Variants in AKAP10 observed in about 807,000 individuals in gnomAD.
AKAP10 encodes the protein A-kinase anchor protein 10, mitochondrial.
A neutral mutation model predicts 80.8 loss-of-function variants in AKAP10; 24 were observed. The ratio of observed to expected loss-of-function variants is 0.30; its 90% confidence interval spans 0.22 to 0.42. The LOEUF (loss-of-function observed/expected upper bound fraction) is 0.42. Ranked by LOEUF, AKAP10 falls within the 10% of genes least tolerant of loss-of-function variation. The pLI, the probability that AKAP10 is intolerant of heterozygous loss-of-function variation, is 1.00. For synonymous variants in AKAP10, 291 were observed against 277.7 expected (o/e 1.05, Z -0.48); for missense variants, 661 against 794.9 (o/e 0.83, Z 2.03).
chr17:19,944,421 G>A (rs2043081611), intron 5 of AKAP10, among the ~76,000 whole-genome samples: 1 of 152,088 alleles, frequency 6.6e-6, no homozygotes, highest in African/African-American at 2.4e-5. Context: ...GGAGGCCAAG[G>A]TGAGTAGATC....
intron 5 of AKAP10, among the ~76,000 whole-genome samples, chr17:19,945,332 C>A (rs1299505023): frequency 6.6e-6 from 1 of 151,940 alleles, no homozygotes; most frequent in East Asian, 1.9e-4. Context: ...ACAGACTCCC[C>A]TCAAAAAAAA....
intron 9 of AKAP10, chr17:19,935,941 A>AT (rs141701781): frequency 1.8e-5 from 3 of 167,354 alleles, no homozygotes; most frequent in South Asian, 1.9e-4. Flanking sequence ...CTCCATTATA[A>AT]TTTTTTTTGT....
chr17:19,946,380 T>C (rs1311568375), intron 5 of AKAP10, among the ~76,000 whole-genome samples: 5 of 136,894 alleles, frequency 3.7e-5, no homozygotes, highest in African/African-American at 1.4e-4. Flanking sequence ...AGTTAAGGTA[T>C]GTGAGGGTCT....
At chr17:19,957,508 C>T (rs898394476) in intron 4 of AKAP10, among the ~76,000 whole-genome samples, 1 of 150,534 alleles carries the variant, frequency 6.6e-6, no homozygotes, top group Admixed American at 6.7e-5. Flanking sequence ...GCACTCCAGC[C>T]TGGGCGACAG....
At chr17:19,918,036 A>G (rs1000147763) in intron 12 of AKAP10, among the ~76,000 whole-genome samples, 8 of 151,176 alleles carry the variant, frequency 5.3e-5, no homozygotes, top group Admixed American at 5.3e-4. Context: ...CCTGGCCAAC[A>G]TGGTGAAACC....
intron 5 of AKAP10, among the ~76,000 whole-genome samples, chr17:19,946,253 A>AT (rs1445226025): frequency 9.6e-5 from 2 of 20,808 alleles, no homozygotes; most frequent in South Asian, 1.4e-3. Context: ...ATATATATAT[A>AT]TATATATATA....
At chr17:19,950,253 AAT>A in intron 4 of AKAP10, among the ~76,000 whole-genome samples, 1 of 152,206 alleles carries the variant, frequency 6.6e-6, no homozygotes, top group Admixed American at 6.5e-5. Context: ...AAGATAAATA[AAT>A]TTAAGGAAAA....
intron 4 of AKAP10, 126 bp downstream of exon 4, chr17:19,957,888 A>G: frequency 9.6e-7 from 1 of 1,042,202 alleles, no homozygotes; most frequent in Non-Finnish European, 1.4e-6. Flanking sequence ...ATTCTCCCAA[A>G]TTTACAAGTA....
In AKAP10 at chr17:19,906,200, C is replaced by A; in HGVS notation, c.*27G>T. 2.5e-6 allele frequency: 4 copies of A among 1,604,254 alleles called. No individual in the cohort carries two copies. The South Asian group carries it at 4.4e-5, about 18-fold the overall frequency. ...AAAAAGTTCTCTTATTTTTCACAAGCAGATTTCCTTTATCTCAAGTTTTGA... is the reference window on the plus strand; with the variant it reads ...AAAAAGTTCTCTTATTTTTCACAAGAAGATTTCCTTTATCTCAAGTTTTGA... On this transcript the variant is annotated 3_prime_UTR_variant, in exon 15 of 15. Coordinates refer to ENST00000225737, the MANE Select transcript of AKAP10 (RefSeq NM_007202.4).
At chr17:19,977,035 T>G (rs1246030454) in intron 1 of AKAP10, among the ~76,000 whole-genome samples, 2 of 148,592 alleles carry the variant, frequency 1.3e-5, no homozygotes, top group African/African-American at 2.5e-5. Flanking sequence ...GTTCCAGTAG[T>G]TAGCAAACTT....
chr17:19,973,582 T>C (rs2043526599), intron 1 of AKAP10, among the ~76,000 whole-genome samples: 1 of 152,212 alleles, frequency 6.6e-6, no homozygotes, highest in South Asian at 2.1e-4. Flanking sequence ...TTGTTTTGAA[T>C]ATATACCATA....
intron 9 of AKAP10, among the ~76,000 whole-genome samples, chr17:19,934,993 T>C (rs901230886): frequency 2.0e-5 from 3 of 152,100 alleles, no homozygotes; most frequent in Non-Finnish European, 2.9e-5. Context: ...GCCTGGACAA[T>C]GGAGTGAAAC....
intron 12 of AKAP10, 111 bp downstream of exon 12, chr17:19,919,925 T>C (rs1209998663): frequency 3.2e-5 from 27 of 842,718 alleles, no homozygotes; most frequent in Non-Finnish European, 4.6e-5. Context: ...AGGTGAAAGA[T>C]ACAGTGGTTA....
chr17:19,972,812 T>A (rs1021511544), intron 1 of AKAP10, among the ~76,000 whole-genome samples: 8 of 152,200 alleles, frequency 5.3e-5, no homozygotes, highest in Admixed American at 3.9e-4. Flanking sequence ...TTTTCCTGTG[T>A]CTTATTTTAA....
In AKAP10 at chr17:19,924,386, T is replaced by G. The variant is rs2042851654; in HGVS notation, c.1751+22A>C. The G allele has an allele frequency of 1.1e-5, 16 of 1,489,478 alleles. No homozygotes were observed. The East Asian group carries it at 3.7e-4, about 35-fold the overall frequency. The allele number at this position is 1,489,478 out of a possible 1,614,324, so 92.3% of individuals were successfully genotyped here. On this transcript the variant is annotated intron_variant, in intron 11 of 14. Coordinates refer to ENST00000225737, the MANE Select transcript of AKAP10 (RefSeq NM_007202.4). ...CAAAGTTATTTACACTTGTAAAAAT[T>G]CTAGGCATGAGCTAAGCTTACCCGG...
At chr17:19,966,903 G>T (rs2043427021) in intron 2 of AKAP10, among the ~76,000 whole-genome samples, 1 of 151,926 alleles carries the variant, frequency 6.6e-6, no homozygotes. Flanking sequence ...ATCAAGTTTT[G>T]CTCAAAGAAG....
chr17:19,940,573 A>G (rs1354642387), intron 7 of AKAP10, among the ~76,000 whole-genome samples: 1 of 152,214 alleles, frequency 6.6e-6, no homozygotes, highest in African/African-American at 2.4e-5. Context: ...TCTGGTCTGC[A>G]ATTTATGCAC....
intron 8 of AKAP10, among the ~76,000 whole-genome samples, chr17:19,938,981 C>T (rs957923377): frequency 3.3e-5 from 5 of 152,156 alleles, no homozygotes; most frequent in African/African-American, 1.2e-4. Flanking sequence ...ATTCACCTGC[C>T]TCTGCCTCTC....
At position 19,917,766 on chromosome 17, in the gene AKAP10, A is replaced by T. The variant is rs143464243; in HGVS notation, c.1834+2270T>A. On this transcript the variant is annotated intron_variant, in intron 12 of 14. Coordinates refer to ENST00000225737, the MANE Select transcript of AKAP10 (RefSeq NM_007202.4). ...CAAAACCCCATCTCTACTAAAAATA[A>T]CAAAAAATTAGCCAGGCGTGGTGGC... 2.5e-3 allele frequency among the ~76,000 whole-genome samples: 386 copies of T among 152,066 alleles called. 1 individual carries two copies. Among genetic ancestry groups the T allele is most frequent in the African/African-American group, 8.8e-3 (364 of 41,476 alleles).
Sources: allele counts gnomAD v4.1 joint callset (sites outside exome capture counted in the v4.1 genomes callset), GRCh38; gene constraint gnomAD v4.1.1; transcripts MANE v1.5; gene names NCBI Gene and HGNC (gene_info 2026-07-23, HGNC 2026-07-21).